The following WDR41 variants were observed in gnomAD, a reference collection of about 807,000 sequenced individuals.
WDR41 encodes the protein WD repeat domain 41.
Under a neutral mutation model 69.3 loss-of-function variants are expected in WDR41, and 63 were observed. The ratio of observed to expected loss-of-function variants is 0.91; its 90% CI spans 0.74 to 1.12. The LOEUF (loss-of-function observed/expected upper bound fraction) is 1.12, where lower values mean the gene tolerates loss of function less well. WDR41 is among the 50% of genes most tolerant of loss of function. The pLI is 0.00. For synonymous variants in WDR41, 185 were observed against 192.1 expected, an observed-to-expected ratio of 0.96 and a Z score of 0.31; for missense variants, 543 against 534.5, an observed-to-expected ratio of 1.02 and a Z score of -0.16.
At chr5:77,464,920 C>T in intron 2 of WDR41, 111 bp from the exon 3 acceptor site, 1 of 1,044,298 alleles carries the variant, frequency 9.6e-7, no homozygotes, top group Non-Finnish European at 1.4e-6. Flanking sequence ...TAACGAAGAT[C>T]AAGTTATTTC....
At position 77,556,751 on chromosome 5, in the gene WDR41, G is replaced by C. The variant is rs1580008320; in HGVS notation, c.42+63728C>G. 2.6e-5 allele frequency among the ~76,000 whole-genome samples: 4 copies of C among 152,192 alleles called. No homozygotes were observed. The East Asian group carries it at 7.7e-4, about 29-fold the overall frequency. On this transcript the variant is annotated intron_variant, in intron 1 of 5. Coordinates refer to the WDR41 transcript ENST00000509971. Reference sequence around the variant, plus strand: ...ATTGTTGATACCACATTTACAACAAGAAGGTATTTTAAAAGTTTATTACAC... The same window carrying C: ...ATTGTTGATACCACATTTACAACAACAAGGTATTTTAAAAGTTTATTACAC...
At chr5:77,598,962 G>C (rs939921060) in intron 1 of WDR41, among the ~76,000 whole-genome samples, 2 of 152,044 alleles carry the variant, frequency 1.3e-5, no homozygotes, top group Non-Finnish European at 2.9e-5. Flanking sequence ...AGAAAATACA[G>C]TAATTTCAAA....
rs1187831270 is a variant in WDR41, at chr5:77,438,362, C to T, written c.883-1G>A. On this transcript the variant is annotated splice_acceptor_variant, in intron 9 of 12. Transcript: ENST00000296679. LOFTEE classifies it high-confidence loss of function. The stretch of plus-strand genomic sequence containing the variant: ...CCCTTCCAACTGCAGCAAATACATT[C>T]TAGGGGAAGAAGTTCAGAAATGGGC... The T allele has an allele frequency of 6.2e-7, 1 of 1,613,738 alleles. No homozygotes were observed. The highest frequency in any genetic ancestry group is 8.5e-7 in the Non-Finnish European group (1 of 1,179,740).
At chr5:77,446,885 G>GAA (rs1799407176) in intron 8 of WDR41, among the ~76,000 whole-genome samples, 1 of 152,142 alleles carries the variant, frequency 6.6e-6, no homozygotes, top group Non-Finnish European at 1.5e-5. Flanking sequence ...TGACAAAGAT[G>GAA]CCAAAAGCAA....
intron 6 of WDR41, chr5:77,452,694 C>A (rs1799674073): frequency 6.6e-6 from 1 of 152,188 alleles, no homozygotes; most frequent in South Asian, 2.1e-4. Flanking sequence ...TCAAGGCTTT[C>A]CCATAGATAC....
rs912258654 is a variant in WDR41 at position 77,459,079 on chromosome 5, A to C, written c.394T>G (p.Phe132Val). The C allele has an allele frequency of 5.0e-6, 8 of 1,601,486 alleles. No homozygotes were observed. The Admixed American group carries it at 5.1e-5, about 10-fold the overall frequency. The change falls in exon 5 of 13, where the codon TTC becomes GTC. Residue 132 changes from phenylalanine to valine, a missense_variant. By Grantham distance (50) the Phe-to-Val change is conservative. Transcript: ENST00000296679. ...GATTTTACCTTTACAGTAGACTGGA[A>C]GCATGATATTCTCTGAACTTGTCTG... is the stretch of plus-strand genomic sequence containing the variant. ...TTRQVQRISCFQSTVKCLTVL... is the reference protein window; with the variant it reads ...TTRQVQRISCVQSTVKCLTVL...
chr5:77,442,846 C>T (rs528290942), intron 8 of WDR41, among the ~76,000 whole-genome samples: 40 of 140,704 alleles, frequency 2.8e-4, no homozygotes, highest in South Asian at 6.7e-4. Context: ...AAGCCGAGAT[C>T]GCGCCACTGC....
At chr5:77,620,523 A>C (rs573044225) in exon 1 of WDR41, 7 of 456,224 alleles carry the variant, frequency 1.5e-5, no homozygotes, top group Non-Finnish European at 3.1e-5. Context: ...TCATGCATAC[A>C]TAAAGAGAGG....
chr5:77,583,124 G>C, intron 1 of WDR41: 1 of 1,417,142 alleles, frequency 7.1e-7, no homozygotes, highest in South Asian at 1.1e-5. Context: ...ATGAACTAAG[G>C]TGTCTACCAT....
rs181830654 is a variant in WDR41, at chr5:77,581,707, A to G, written c.42+38772T>C. Among the ~76,000 whole-genome samples the G allele has an allele frequency of 3.3e-3, 497 of 152,314 alleles. 3 individuals carry two copies. Among genetic ancestry groups the G allele is most frequent in the African/African-American group, 0.012 (479 of 41,572 alleles). The stretch of plus-strand genomic sequence containing the variant: ...AATCAATAGTGGGAAAAAATGGGAA[A>G]ACTCACAAATACATGGAAATAAAAC... On this transcript the variant is annotated intron_variant, in intron 1 of 5. Transcript: ENST00000509971.
chr5:77,608,814 G>A (rs1744479777), intron 1 of WDR41, among the ~76,000 whole-genome samples: 2 of 152,230 alleles, frequency 1.3e-5, no homozygotes, highest in Admixed American at 6.5e-5. Flanking sequence ...CAGGACAGGG[G>A]TGCAGTGCAC....
intron 4 of WDR41, 77 bp downstream of exon 4, chr5:77,463,018 C>G: frequency 6.8e-7 from 1 of 1,463,534 alleles, no homozygotes; most frequent in Non-Finnish European, 9.2e-7. Context: ...AAGACCCTAT[C>G]AGCTAAAGAC....
chr5:77,471,312 C>G (rs1800596892), intron 2 of WDR41, among the ~76,000 whole-genome samples: 1 of 152,100 alleles, frequency 6.6e-6, no homozygotes, highest in Non-Finnish European at 1.5e-5. Flanking sequence ...TAAATGCCCA[C>G]AAGAGAAAGC....
At position 77,608,802 on chromosome 5, in the gene WDR41, C is replaced by T. The variant is rs565195716; in HGVS notation, c.42+11677G>A. On this transcript the variant is annotated intron_variant, in intron 1 of 5. Transcript: ENST00000509971. Reference sequence around the variant, plus strand: ...TCACTAGGGAGTGCCAGACAGTGGGCGCAGGACAGGGGTGCAGTGCACCGT... The same window carrying T: ...TCACTAGGGAGTGCCAGACAGTGGGTGCAGGACAGGGGTGCAGTGCACCGT... 8.5e-5 allele frequency among the ~76,000 whole-genome samples: 13 copies of T among 152,288 alleles called. No homozygotes were observed. In the East Asian group the frequency reaches 1.5e-3, roughly 18 times the overall value.
intron 1 of WDR41, among the ~76,000 whole-genome samples, chr5:77,509,073 C>G (rs2112168647): frequency 6.6e-6 from 1 of 152,304 alleles, no homozygotes; most frequent in African/African-American, 2.4e-5. Context: ...CTCAGGAGAA[C>G]TCTTCTTAAC....
chr5:77,448,463 A>C (rs1430880442), intron 8 of WDR41, among the ~76,000 whole-genome samples: 1 of 152,098 alleles, frequency 6.6e-6, no homozygotes, highest in African/African-American at 2.4e-5. Context: ...TGGGAGGGAC[A>C]CTCTTACTGG....
intron 8 of WDR41, among the ~76,000 whole-genome samples, chr5:77,447,128 A>T (rs1799416341): frequency 6.6e-6 from 1 of 152,192 alleles, no homozygotes; most frequent in Non-Finnish European, 1.5e-5. Flanking sequence ...GGCACTTCTC[A>T]AGACATTTAT....
upstream of WDR41, among the ~76,000 whole-genome samples, chr5:77,494,259 A>G (rs1801905349): frequency 6.6e-6 from 1 of 152,184 alleles, no homozygotes; most frequent in African/African-American, 2.4e-5. Flanking sequence ...AAAATGAGGT[A>G]CAAAAAAACT....
At chr5:77,591,786 C>T (rs778485081) in intron 1 of WDR41, among the ~76,000 whole-genome samples, 1 of 152,044 alleles carries the variant, frequency 6.6e-6, no homozygotes, top group Non-Finnish European at 1.5e-5. Context: ...TTGATATTTG[C>T]TGAAACTTGC....
Sources: allele counts gnomAD v4.1 joint callset (sites outside exome capture counted in the v4.1 genomes callset), GRCh38; gene constraint gnomAD v4.1.1; transcripts MANE v1.5; gene names NCBI Gene and HGNC (gene_info 2026-07-23, HGNC 2026-07-21).